EYA3: variants seen among roughly 807,000 people sequenced by gnomAD.
EYA3 encodes protein phosphatase EYA3.
A neutral mutation model predicts 80.0 loss-of-function variants in EYA3; 39 were observed. The observed-to-expected ratio is 0.49, with a 90% CI of 0.38 to 0.64. The LOEUF (loss-of-function observed/expected upper bound fraction) is 0.64, where lower values mean the gene tolerates loss of function less well. Among genes scored for constraint, EYA3 ranks in the 30% least tolerant of loss-of-function variants. The probability of loss-of-function intolerance (pLI) is 0.00; values close to 1 mark genes in which losing one functional copy is unlikely to be tolerated. For synonymous variants in EYA3, 206 were observed against 232.8 expected (o/e 0.88, Z 1.05); for missense variants, 523 against 676.1 (o/e 0.77, Z 2.51).
intron 17 of EYA3, among the ~76,000 whole-genome samples, chr1:27,976,599 C>T (rs1638940164): frequency 1.3e-5 from 2 of 152,220 alleles, no homozygotes; most frequent in African/African-American, 2.4e-5. Flanking sequence ...GTGTCCTCAT[C>T]CTTGGGCATA....
chr1:28,016,036 G>A (rs1390702373), intron 8 of EYA3, among the ~76,000 whole-genome samples: 1 of 152,158 alleles, frequency 6.6e-6, no homozygotes, highest in East Asian at 1.9e-4. Flanking sequence ...GGGAGGATTA[G>A]AATCTTTGGT....
intron 16 of EYA3, among the ~76,000 whole-genome samples, chr1:27,986,467 C>T (rs1258133546): frequency 6.7e-6 from 1 of 149,688 alleles, no homozygotes; most frequent in Non-Finnish European, 1.5e-5. Context: ...AGCGCGATCT[C>T]GGCTCACTGC....
At chr1:28,067,351 T>C (rs1644869625) in intron 1 of EYA3, among the ~76,000 whole-genome samples, 3 of 152,222 alleles carry the variant, frequency 2.0e-5, no homozygotes, top group African/African-American at 4.8e-5. Flanking sequence ...GGTGAATACA[T>C]GTTTTTATGT....
intron 10 of EYA3, among the ~76,000 whole-genome samples, chr1:28,007,072 C>T (rs920324825): frequency 1.3e-5 from 2 of 150,602 alleles, no homozygotes; most frequent in Non-Finnish European, 2.9e-5. Flanking sequence ...TCCCAAGTAG[C>T]TGGGATTACA....
At chr1:28,042,767 C>T in intron 3 of EYA3, 117 bp from the exon 4 acceptor site, 1 of 789,102 alleles carries the variant, frequency 1.3e-6, no homozygotes, top group South Asian at 1.5e-5. Flanking sequence ...AGTAAATCTT[C>T]GTGATATCCT....
At chr1:27,999,929 G>T in intron 12 of EYA3, 31 bp downstream of exon 12, 1 of 1,445,108 alleles carries the variant, frequency 6.9e-7, no homozygotes, top group Non-Finnish European at 9.6e-7. Flanking sequence ...AAGTGTCTCA[G>T]TGAAGCACAG....
intron 1 of EYA3, among the ~76,000 whole-genome samples, chr1:28,067,134 A>C (rs938497316): frequency 6.6e-6 from 1 of 152,240 alleles, no homozygotes; most frequent in Non-Finnish European, 1.5e-5. Flanking sequence ...AAAAGAGGTC[A>C]TAAGATTGGC....
chr1:28,081,250 G>A (rs1645417842), intron 1 of EYA3, among the ~76,000 whole-genome samples: 1 of 152,020 alleles, frequency 6.6e-6, no homozygotes, highest in African/African-American at 2.4e-5. Flanking sequence ...CCTATTAAAT[G>A]CCCCACTAAA....
chr1:27,974,319 G>C lies in EYA3; in HGVS notation c.*147C>G, dbSNP rs948933446. ...GGAGAGAGGAAGGGAGGGAGGGAGA[G>C]AGGGAGAGAGAGAAAGAGAGAAAGA... On this transcript the variant is annotated 3_prime_UTR_variant, in exon 18 of 18. Transcript: ENST00000373871. 3.9e-6 allele frequency: 2 copies of C among 506,414 alleles called. No individual in the cohort carries two copies. Among genetic ancestry groups the C allele is most frequent in the East Asian group, 3.1e-5 (1 of 31,816 alleles). The allele number at this position is 506,414 out of a possible 1,614,324, so 31.4% of individuals were successfully genotyped here. A position where few individuals can be genotyped will look rare whatever the true frequency, so the allele number is the denominator to read the frequency against.
At chr1:28,075,841 T>C (rs1175680027) in intron 1 of EYA3, among the ~76,000 whole-genome samples, 1 of 152,196 alleles carries the variant, frequency 6.6e-6, no homozygotes, top group Admixed American at 6.5e-5. Flanking sequence ...TCTCACTGTT[T>C]CCTATCTTTC....
intron 6 of EYA3, among the ~76,000 whole-genome samples, chr1:28,030,204 C>CA (rs1376326397): frequency 6.6e-6 from 1 of 152,192 alleles, no homozygotes; most frequent in African/African-American, 2.4e-5. Context: ...CAGTGCAACT[C>CA]AGATTTGTCC....
intron 11 of EYA3, among the ~76,000 whole-genome samples, chr1:28,002,733 GCT>G (rs1640958271): frequency 6.6e-6 from 1 of 151,770 alleles, no homozygotes; most frequent in Non-Finnish European, 1.5e-5. Context: ...GATTGCTTTA[GCT>G]CAAGAGATCG....
chr1:27,978,699 C>G (rs1571695497), intron 16 of EYA3, among the ~76,000 whole-genome samples: 1 of 152,206 alleles, frequency 6.6e-6, no homozygotes, highest in African/African-American at 2.4e-5. Flanking sequence ...CATGGTGGCT[C>G]AAGCCTGTAA....
intron 1 of EYA3, among the ~76,000 whole-genome samples, chr1:28,071,641 T>C (rs1645024636): frequency 6.6e-6 from 1 of 152,178 alleles, no homozygotes; most frequent in Non-Finnish European, 1.5e-5. Flanking sequence ...AATAGAGCCC[T>C]GAAATTCTTT....
intron 15 of EYA3, among the ~76,000 whole-genome samples, chr1:27,989,120 G>A (rs564910776): frequency 6.6e-6 from 1 of 152,294 alleles, no homozygotes; most frequent in South Asian, 2.1e-4. Context: ...AATTTTATAT[G>A]TCCTTTACCT....
chr1:27,974,197 C>G lies in EYA3; in HGVS notation c.*269G>C. On this transcript the variant is annotated 3_prime_UTR_variant, in exon 18 of 18. Transcript: ENST00000373871. Reference sequence around the variant, plus strand: ...GATGAACACGGGGCTGCAGCTCACTCTTAGCAAAAATTGCAGCTGTTGGTT... The same window carrying G: ...GATGAACACGGGGCTGCAGCTCACTGTTAGCAAAAATTGCAGCTGTTGGTT... The G allele has an allele frequency of 3.8e-6, 1 of 262,730 alleles. No homozygotes were observed. Among genetic ancestry groups the G allele is most frequent in the Non-Finnish European group, 7.4e-6 (1 of 134,542 alleles). The allele number at this position is 262,730 out of a possible 1,614,324, so 16.3% of individuals were successfully genotyped here.
In EYA3 at chr1:28,042,601, G is replaced by A; in HGVS notation, c.127C>T (p.Leu43Phe). 1 of 1,614,166 alleles carries A rather than the reference G, an allele frequency of 6.2e-7. No homozygotes were observed. Among genetic ancestry groups the A allele is most frequent in the Non-Finnish European group, 8.5e-7 (1 of 1,180,000 alleles). The change falls in exon 4 of 18, where the codon CTT (leucine) becomes TTT (phenylalanine). Residue 43 changes from leucine to phenylalanine, a missense_variant. Transcript: ENST00000373871. ...TCTGACATGGGAAGGTTTGAAGCAAGGCTTGATGTTTCAGGCTTCTGATCA... is the reference window on the plus strand; with the variant it reads ...TCTGACATGGGAAGGTTTGAAGCAAAGCTTGATGTTTCAGGCTTCTGATCA... Reference protein sequence around the residue: ...VSDQKPETSSLASNLPMSEEI... With the variant: ...VSDQKPETSSFASNLPMSEEI...
At chr1:28,014,564 C>T (rs1257898925) in intron 8 of EYA3, among the ~76,000 whole-genome samples, 2 of 151,418 alleles carry the variant, frequency 1.3e-5, no homozygotes, top group Non-Finnish European at 2.9e-5. Flanking sequence ...CCAGCCCCTA[C>T]TAAAAATACA....
chr1:28,077,543 A>G (rs912125328), intron 1 of EYA3, among the ~76,000 whole-genome samples: 1 of 152,210 alleles, frequency 6.6e-6, no homozygotes, highest in African/African-American at 2.4e-5. Flanking sequence ...TGGTTCTTCT[A>G]TATTTCTTCC....
Sources: gnomAD v4.1 joint callset for allele counts (sites outside exome capture counted in the v4.1 genomes callset) on GRCh38, gnomAD v4.1.1 for gene constraint, MANE v1.5 for transcripts, NCBI Gene and HGNC (gene_info 2026-07-23, HGNC 2026-07-21) for gene names.